Variants in ECE1 observed in about 807,000 individuals in gnomAD.
ECE1 encodes endothelin-converting enzyme 1.
A neutral mutation model predicts 98.6 loss-of-function variants in ECE1; 35 were observed. The ratio of observed to expected loss-of-function variants is 0.35; its 90% CI spans 0.27 to 0.47. The LOEUF (loss-of-function observed/expected upper bound fraction) is 0.47. Ranked by LOEUF, ECE1 falls within the 20% of genes least tolerant of loss-of-function variation. The probability of loss-of-function intolerance (pLI) is 1.00; values close to 1 mark genes in which losing one functional copy is unlikely to be tolerated. For missense variants in ECE1, 814 were observed against 1,025.3 expected (o/e 0.79, Z 2.81); for synonymous variants, 394 against 407.1 (o/e 0.97, Z 0.39).
intron 4 of ECE1, among the ~76,000 whole-genome samples, chr1:21,270,335 G>A (rs978301270): frequency 1.3e-5 from 2 of 152,364 alleles, no homozygotes; most frequent in Middle Eastern, 3.4e-3. Flanking sequence ...GCGGACATCC[G>A]TGTCTCTCCT....
In ECE1 at chr1:21,273,701, G is replaced by A. The variant is rs146033297; in HGVS notation, c.281-790C>T. Among the ~76,000 whole-genome samples, 617 of 152,260 alleles carry A rather than the reference G, an allele frequency of 4.1e-3. 4 individuals carry two copies. The highest frequency in any genetic ancestry group is 0.014 in the African/African-American group (565 of 41,562). On this transcript the variant is annotated intron_variant, in intron 3 of 18. Transcript: ENST00000374893. ...GGCTACGCCAGGTGCCGTGGCTCAC[G>A]CCTGTAATCCCAGCACTTTGGGAGG...
chr1:21,252,819 A>T (rs1232753533), intron 8 of ECE1, among the ~76,000 whole-genome samples: 2 of 152,200 alleles, frequency 1.3e-5, no homozygotes, highest in African/African-American at 4.8e-5. Context: ...AATCAAATTG[A>T]TTTAGTGCTG....
At chr1:21,252,025 G>A (rs546769973) in intron 8 of ECE1, among the ~76,000 whole-genome samples, 93 of 152,204 alleles carry the variant, frequency 6.1e-4, no homozygotes, top group Admixed American at 2.1e-3. Context: ...CTGACTGCAT[G>A]ACCTGTTGGC....
At chr1:21,279,043 A>G (rs989481658) in intron 3 of ECE1, 148 bp downstream of exon 3, 4 of 1,342,540 alleles carry the variant, frequency 3.0e-6, no homozygotes, top group Non-Finnish European at 4.2e-6. Context: ...GTCTTGGTCT[A>G]TCTCAGCACC....
Position 21,307,092 on chromosome 1 carries a change from G to A in ECE1, c.4-16936C>T, listed in dbSNP as rs1430741540. On this transcript the variant is annotated intron_variant, in intron 1 of 18. Coordinates refer to the ECE1 transcript ENST00000415912. This position sits in a 1 kb window ranked among gnomAD's most constrained non-coding sequence, Gnocchi z 4.2. ...CCACCGAGGACTCCCTCGTCTCCCTGCACTCAAGACTCTCCCCTTCCTCTG... is the reference window on the plus strand; with the variant it reads ...CCACCGAGGACTCCCTCGTCTCCCTACACTCAAGACTCTCCCCTTCCTCTG... 1.3e-5 allele frequency among the ~76,000 whole-genome samples: 2 copies of A among 152,152 alleles called. No individual in the cohort carries two copies. Among genetic ancestry groups the A allele is most frequent in the African/African-American group, 4.8e-5 (2 of 41,442 alleles).
chr1:21,334,717 A>G (rs1639273798), intron 1 of ECE1, among the ~76,000 whole-genome samples: 1 of 152,112 alleles, frequency 6.6e-6, no homozygotes, highest in Non-Finnish European at 1.5e-5. Flanking sequence ...CTCCACAGGT[A>G]ACTTTTGCCC....
rs1384241422 is a variant in ECE1 at position 21,247,093 on chromosome 1, T to A, written c.1163+128A>T. 3.8e-5 allele frequency: 50 copies of A among 1,306,462 alleles called. 1 individual carries two copies. Among genetic ancestry groups the A allele is most frequent in the Non-Finnish European group, 1.1e-6 (1 of 908,728 alleles). 80.9% of individuals were successfully genotyped at this position (1,306,462 alleles called of 1,614,324 possible). A position where few individuals can be genotyped will look rare whatever the true frequency, so the allele number is the denominator to read the frequency against. ...TGTGCCTGTAACCAGGATGTCCTGCTGCCTCTCGTAAAAGCCCGCCCAGGT... is the reference window on the plus strand; with the variant it reads ...TGTGCCTGTAACCAGGATGTCCTGCAGCCTCTCGTAAAAGCCCGCCCAGGT... On this transcript the variant is annotated intron_variant, in intron 9 of 18. Coordinates refer to ENST00000374893, the MANE Select transcript of ECE1 (RefSeq NM_001397.3).
At chr1:21,293,868 G>C (rs944060698), upstream of ECE1, 1 of 152,446 alleles carries the variant, frequency 6.6e-6, no homozygotes, top group South Asian at 2.1e-4. Context: ...TTACAGAGAG[G>C]GGGAGGGGCC....
At chr1:21,293,343 C>T (rs1284671525), upstream of ECE1, 1 of 152,154 alleles carries the variant, frequency 6.6e-6, no homozygotes, top group Non-Finnish European at 1.5e-5. Context: ...CACACAGCCA[C>T]CCTACCCCAT....
In ECE1 at chr1:21,279,179, G is replaced by A. The variant is rs756161889; in HGVS notation, c.280+12C>T. ...GTGAGTCAAGCCCACCATGCAACAC[G>A]AAGGCACCTACTTGTCTGGTACTGG... On this transcript the variant is annotated intron_variant, in intron 3 of 18. Transcript: ENST00000374893. 7.4e-6 allele frequency: 12 copies of A among 1,614,024 alleles called. No homozygotes were observed. The highest frequency in any genetic ancestry group is 4.4e-5 in the South Asian group (4 of 91,088).
At chr1:21,308,363 G>C (rs571597525) in intron 1 of ECE1, among the ~76,000 whole-genome samples, 1 of 152,220 alleles carries the variant, frequency 6.6e-6, no homozygotes, top group Non-Finnish European at 1.5e-5. Context: ...ACCTGTGTAG[G>C]ACCCCCAGGG....
At position 21,260,108 on chromosome 1, in the gene ECE1, CAT is replaced by C. The variant is rs1422406042; in HGVS notation, c.615+161_615+162del. On this transcript the variant is annotated intron_variant, in intron 5 of 18. Transcript: ENST00000374893. The surrounding 1 kb of genome is among the most constrained non-coding windows in gnomAD (Gnocchi z 4.3). ...CAGCTACGCAATGTGCTCACACTCA[CAT>C]GTGCTCTCGCACACTCGCTCTCTCT... is the stretch of plus-strand genomic sequence containing the variant. Among the ~76,000 whole-genome samples, 1 of 152,384 alleles carries C rather than the reference CAT, an allele frequency of 6.6e-6. No individual in the cohort carries two copies. The highest frequency in any genetic ancestry group is 1.5e-5 in the Non-Finnish European group (1 of 68,046).
At chr1:21,247,388 C>G (rs2774024) in intron 8 of ECE1, 25 bp from the exon 9 acceptor site, 1 of 1,614,094 alleles carries the variant, frequency 6.2e-7, no homozygotes, top group Non-Finnish European at 8.5e-7. Flanking sequence ...GACAGTGTGA[C>G]CCTGTGGGGC....
intron 8 of ECE1, among the ~76,000 whole-genome samples, chr1:21,250,181 C>CTATGAACT (rs1367754167): frequency 2.6e-5 from 4 of 152,134 alleles, no homozygotes; most frequent in African/African-American, 9.7e-5. Flanking sequence ...CTTTCTGTCT[C>CTATGAACT]TATGAACTTG....
At chr1:21,238,060 G>T in intron 11 of ECE1, 74 bp downstream of exon 11, 1 of 1,388,074 alleles carries the variant, frequency 7.2e-7, no homozygotes. Context: ...GTGGGCTGGA[G>T]TGTGAACTGG....
intron 1 of ECE1, among the ~76,000 whole-genome samples, chr1:21,309,830 C>T (rs1220085364): frequency 7.3e-6 from 1 of 136,534 alleles, no homozygotes; most frequent in African/African-American, 2.8e-5. Context: ...CTCGCTCTGT[C>T]GCCCAGGCTA....
chr1:21,276,481 C>A (rs1344072958), intron 3 of ECE1, among the ~76,000 whole-genome samples: 1 of 152,192 alleles, frequency 6.6e-6, no homozygotes, highest in Non-Finnish European at 1.5e-5. Context: ...TACAGACACT[C>A]ATCTGGACAG....
Position 21,307,963 on chromosome 1 carries a change from C to T in ECE1, c.4-17807G>A, listed in dbSNP as rs997413292. Among the ~76,000 whole-genome samples the T allele has an allele frequency of 2.6e-5, 4 of 152,178 alleles. No individual in the cohort carries two copies. The highest frequency in any genetic ancestry group is 4.8e-5 in the African/African-American group (2 of 41,442). On this transcript the variant is annotated intron_variant, in intron 1 of 18. Coordinates refer to the ECE1 transcript ENST00000415912. This position sits in a 1 kb window ranked among gnomAD's most constrained non-coding sequence, Gnocchi z 4.2. ...TTTGCTGCGATCCCAATGGGTCACACGCCTTCTGGATCCCCCCAGAAGGTC... is the reference window on the plus strand; with the variant it reads ...TTTGCTGCGATCCCAATGGGTCACATGCCTTCTGGATCCCCCCAGAAGGTC...
At chr1:21,306,258 G>A (rs988078907) in intron 1 of ECE1, among the ~76,000 whole-genome samples, 2 of 151,842 alleles carry the variant, frequency 1.3e-5, no homozygotes, top group African/African-American at 4.8e-5. Context: ...ACTAAGAGTC[G>A]CAATATTAAC....
Sources: gnomAD v4.1 joint callset for allele counts (sites outside exome capture counted in the v4.1 genomes callset) on GRCh38, gnomAD v4.1.1 for gene constraint, Gnocchi (gnomAD v3.1) non-coding constraint, MANE v1.5 for transcripts, NCBI Gene and HGNC (gene_info 2026-07-23, HGNC 2026-07-21) for gene names.